The following PPARGC1A variants were observed in gnomAD, a reference collection of about 807,000 sequenced individuals.
PPARGC1A encodes PPARG coactivator 1 alpha.
A neutral mutation model predicts 88.7 loss-of-function variants in PPARGC1A; 25 were observed. The observed-to-expected ratio is 0.28, with a 90% CI of 0.21 to 0.39. PPARGC1A has a LOEUF of 0.39. PPARGC1A is among the 10% of genes least tolerant of loss of function. PPARGC1A has a pLI of 1.00. For synonymous variants in PPARGC1A, 363 were observed against 355.6 expected (o/e 1.02, Z -0.24); for missense variants, 880 against 968.7 (o/e 0.91, Z 1.22).
the PPARGC1A span, among the ~76,000 whole-genome samples, chr4:24,146,283 G>A: frequency 2.0e-5 from 3 of 152,290 alleles, no homozygotes; most frequent in South Asian, 2.1e-4. Flanking sequence ...CAAAACCAAA[G>A]TACAGACAGA....
chr4:24,432,696 T>C, the PPARGC1A span, among the ~76,000 whole-genome samples: 1 of 152,160 alleles, frequency 6.6e-6, no homozygotes, highest in African/African-American at 2.4e-5. Flanking sequence ...TGATCCTGAG[T>C]GTGTCACCAT....
the PPARGC1A span, among the ~76,000 whole-genome samples, chr4:24,231,151 A>C: frequency 6.6e-6 from 1 of 152,096 alleles, no homozygotes; most frequent in South Asian, 2.1e-4. Context: ...TCCATTGCCC[A>C]AAACCCCAGC....
At chr4:23,913,628 G>A in the PPARGC1A span, among the ~76,000 whole-genome samples, 2 of 152,142 alleles carry the variant, frequency 1.3e-5, no homozygotes, top group South Asian at 2.1e-4. Flanking sequence ...TAAGCTCCAC[G>A]AAGACAAGAA....
At chr4:24,317,554 C>CAAAAAAAAAAAAA in the PPARGC1A span, among the ~76,000 whole-genome samples, 1 of 14,254 alleles carries the variant, frequency 7.0e-5, no homozygotes, top group Non-Finnish European at 1.9e-4. Context: ...GTTCAGAGGA[C>CAAAAAAAAAAAAA]TAAAAAAAAA....
the PPARGC1A span, among the ~76,000 whole-genome samples, chr4:24,360,897 G>T: frequency 2.6e-5 from 4 of 152,140 alleles, no homozygotes; most frequent in Non-Finnish European, 5.9e-5. Flanking sequence ...AAGGAGCATC[G>T]AGTACACAGT....
chr4:24,401,742 C>T, the PPARGC1A span, among the ~76,000 whole-genome samples: 2 of 152,168 alleles, frequency 1.3e-5, no homozygotes, highest in Admixed American at 1.3e-4. Flanking sequence ...CTTAATCTCT[C>T]TATGCCTCAA....
the PPARGC1A span, among the ~76,000 whole-genome samples, chr4:23,972,457 T>A: frequency 1.3e-5 from 2 of 152,196 alleles, no homozygotes; most frequent in Non-Finnish European, 2.9e-5. Context: ...TAACTGAAAT[T>A]TTTATTAAAC....
the PPARGC1A span, among the ~76,000 whole-genome samples, chr4:24,220,542 A>C: frequency 6.6e-6 from 1 of 152,244 alleles, no homozygotes. Context: ...CCACACAGCC[A>C]TAAAAATGAA....
At chr4:23,993,498 T>C in the PPARGC1A span, among the ~76,000 whole-genome samples, 107 of 152,294 alleles carry the variant, frequency 7.0e-4, no homozygotes, top group East Asian at 0.02. Context: ...TTTTCAATAG[T>C]GTGTTTGAAA....
At chr4:24,057,332 G>A in the PPARGC1A span, among the ~76,000 whole-genome samples, 2 of 151,992 alleles carry the variant, frequency 1.3e-5, no homozygotes, top group Admixed American at 6.6e-5. Flanking sequence ...TTATTTAATG[G>A]GTATAGAGTT....
At chr4:24,172,693 T>C in the PPARGC1A span, among the ~76,000 whole-genome samples, 233 of 152,352 alleles carry the variant, frequency 1.5e-3, no homozygotes, top group African/African-American at 5.3e-3. Context: ...GGGTTTCGCC[T>C]TCACTGTCAG....
the PPARGC1A span, among the ~76,000 whole-genome samples, chr4:24,067,967 C>T: frequency 2.3e-3 from 347 of 152,268 alleles, 1 homozygote; most frequent in African/African-American, 7.8e-3. Flanking sequence ...GGCAAAACAG[C>T]TCCTGAAATG....
At chr4:23,800,529 T>A (rs892891422) in intron 12 of PPARGC1A, among the ~76,000 whole-genome samples, 9 of 151,644 alleles carry the variant, frequency 5.9e-5, no homozygotes, top group African/African-American at 1.9e-4. Context: ...AAATTATTTT[T>A]AATCTTGTGA....
chr4:23,854,272 G>T (rs1478153512), intron 2 of PPARGC1A, among the ~76,000 whole-genome samples: 55 of 152,132 alleles, frequency 3.6e-4, no homozygotes, highest in Admixed American at 3.6e-3. Flanking sequence ...CCAGGCAAGG[G>T]ATTTCTTATC....
chr4:23,837,688 T>C (rs530570552), intron 2 of PPARGC1A, among the ~76,000 whole-genome samples: 4 of 152,338 alleles, frequency 2.6e-5, no homozygotes, highest in South Asian at 2.1e-4. Flanking sequence ...TGGTAATGTA[T>C]TCCAAAGCCA....
At chr4:24,029,112 G>A in the PPARGC1A span, among the ~76,000 whole-genome samples, 5 of 152,236 alleles carry the variant, frequency 3.3e-5, no homozygotes, top group Non-Finnish European at 7.4e-5. Flanking sequence ...GTCCTACAAA[G>A]AGAACCAAAA....
chr4:23,911,315 G>C, the PPARGC1A span, among the ~76,000 whole-genome samples: 3 of 152,216 alleles, frequency 2.0e-5, no homozygotes, highest in African/African-American at 7.2e-5. Flanking sequence ...AATCAAAATA[G>C]CATTTCCACT....
chr4:24,088,751 C>G, the PPARGC1A span, among the ~76,000 whole-genome samples: 1 of 151,970 alleles, frequency 6.6e-6, no homozygotes, highest in East Asian at 1.9e-4. Context: ...ATGCTTTTTC[C>G]CTTTCTTACT....
At chr4:24,294,261 C>T in the PPARGC1A span, among the ~76,000 whole-genome samples, 2 of 152,106 alleles carry the variant, frequency 1.3e-5, no homozygotes, top group African/African-American at 4.8e-5. Context: ...CAGTGCCTTT[C>T]TTAGTATACA....
Sources: allele counts gnomAD v4.1 joint callset (sites outside exome capture counted in the v4.1 genomes callset), GRCh38; gene constraint gnomAD v4.1.1; transcripts MANE v1.5; gene names NCBI Gene and HGNC (gene_info 2026-07-23, HGNC 2026-07-21).